Variants in TG observed in about 807,000 individuals in gnomAD.
TG encodes the protein thyroid hormones.
TG carries 270 observed loss-of-function variants against 324.7 expected under a neutral mutation model. The observed-to-expected ratio is 0.83, with a 90% CI of 0.75 to 0.92. The LOEUF (loss-of-function observed/expected upper bound fraction) is 0.92. Ranked by LOEUF, TG falls within the 40% of genes least tolerant of loss-of-function variation. TG has a pLI of 0.00. For synonymous variants in TG, 1,401 were observed against 1,327.0 expected (o/e 1.06, Z -1.21); for missense variants, 3,591 against 3,456.4 (o/e 1.04, Z -0.98).
chr8:133,102,485 C>T (rs1044674260), intron 43 of TG: 12 of 1,436,416 alleles, frequency 8.4e-6, no homozygotes, highest in Non-Finnish European at 1.1e-5. Context: ...GACCCTCCCC[C>T]ACATACCACC....
chr8:133,050,248 A>T (rs532504486), intron 41 of TG: 1 of 513,400 alleles, frequency 1.9e-6, no homozygotes, highest in South Asian at 2.5e-5. Context: ...AGGGATTAGC[A>T]GCTAATGTTC....
chr8:132,952,361 G>T (rs72727438), intron 27 of TG, among the ~76,000 whole-genome samples: 1 of 152,142 alleles, frequency 6.6e-6, no homozygotes, highest in Non-Finnish European at 1.5e-5. Flanking sequence ...CCTTATTCAA[G>T]ACATTTGACC....
chr8:133,106,522 C>T lies in TG; in HGVS notation c.7573-6900C>T, dbSNP rs192189635. The T allele has an allele frequency of 4.3e-5, 40 of 936,482 alleles. No individual in the cohort carries two copies. In the East Asian group the frequency reaches 4.3e-3, roughly 101 times the overall value. The allele number at this position is 936,482 out of a possible 1,614,324, so 58.0% of individuals were successfully genotyped here. A position where few individuals can be genotyped will look rare whatever the true frequency, so the allele number is the denominator to read the frequency against. On this transcript the variant is annotated intron_variant, in intron 43 of 47. Transcript: ENST00000220616. ...CCACCCAGCCCTCTGTTCTTTCTGG[C>T]TTCTCCCCTGCTCCTCTGCCCTCAT...
chr8:132,887,942 A>T, intron 9 of TG, 42 bp from the exon 10 acceptor site: 1 of 1,564,290 alleles, frequency 6.4e-7, no homozygotes, highest in Non-Finnish European at 8.7e-7. Flanking sequence ...CCAGTTTGTT[A>T]AATTTCTTAA....
chr8:133,089,102 G>A (rs1847083330), intron 41 of TG, among the ~76,000 whole-genome samples: 1 of 152,146 alleles, frequency 6.6e-6, no homozygotes, highest in Non-Finnish European at 1.5e-5. Flanking sequence ...GTGGAGACAT[G>A]GCACTCTGGG....
At chr8:132,987,740 G>A (rs1235095816) in intron 35 of TG, among the ~76,000 whole-genome samples, 1 of 151,620 alleles carries the variant, frequency 6.6e-6, no homozygotes, top group Admixed American at 6.6e-5. Flanking sequence ...GTGTGTGCGT[G>A]TGTGTGTGTA....
chr8:132,886,856 T>A lies in TG; in HGVS notation c.1484T>A (p.Phe495Tyr). The A allele has an allele frequency of 6.2e-7, 1 of 1,614,166 alleles. No individual in the cohort carries two copies. The highest frequency in any genetic ancestry group is 8.5e-7 in the Non-Finnish European group (1 of 1,180,022). Residue 495 changes from phenylalanine (F) to tyrosine (Y), a missense_variant, in exon 9 of 48, where the codon TTT becomes TAT. By Grantham distance (22) the Phe-to-Tyr change is conservative. Coordinates refer to ENST00000220616, the MANE Select transcript of TG (RefSeq NM_003235.5). ...LSGALGTRGT[F>Y]NFSQFFQQLG... ...GGAGCCCTTGGCACAAGAGGCACAT[T>A]TAACTTCAGTCAATTTTTCCAGCAA... is the stretch of plus-strand genomic sequence containing the variant.
chr8:133,044,791 A>C (rs1356854051), intron 41 of TG, among the ~76,000 whole-genome samples: 2 of 152,222 alleles, frequency 1.3e-5, no homozygotes, highest in Non-Finnish European at 2.9e-5. Flanking sequence ...GCTGCATTTG[A>C]CTTATTAAGG....
Position 132,867,064 on chromosome 8 carries a change from T to A in TG, c.64T>A (p.Phe22Ile). Residue 22 changes from phenylalanine (F) to isoleucine (I), a missense_variant, in exon 1 of 48, where the codon TTC (phenylalanine) becomes ATC (isoleucine). By Grantham distance (21) the Phe-to-Ile change is conservative. Coordinates refer to ENST00000220616, the MANE Select transcript of TG (RefSeq NM_003235.5). ...CATCTGCTGGGTGTCGGCCAATATC[T>A]TCGGTAAGTTCTGAGGCCATGGAGC... Reference protein sequence around the residue: ...ASICWVSANIFEYQVDAQPLR... With the variant: ...ASICWVSANIIEYQVDAQPLR... 1 of 1,597,218 alleles carries A rather than the reference T, an allele frequency of 6.3e-7. No individual in the cohort carries two copies. The highest frequency in any genetic ancestry group is 8.5e-7 in the Non-Finnish European group (1 of 1,170,494).
intron 31 of TG, among the ~76,000 whole-genome samples, chr8:132,968,332 C>T (rs192956917): frequency 5.3e-5 from 8 of 152,258 alleles, no homozygotes; most frequent in Non-Finnish European, 1.0e-4. Context: ...TTTAGAACTG[C>T]ATCAATTTGA....
At chr8:132,941,662 G>A (rs2687808) in intron 26 of TG, 120 bp downstream of exon 26, 1 of 1,112,544 alleles carries the variant, frequency 9.0e-7, no homozygotes, top group Non-Finnish European at 1.3e-6. Context: ...TACACCCAAA[G>A]AGAAGGTGAC....
chr8:132,895,921 C>T (rs1817028481), intron 11 of TG, among the ~76,000 whole-genome samples: 1 of 152,222 alleles, frequency 6.6e-6, no homozygotes, highest in South Asian at 2.1e-4. Flanking sequence ...ACATGCTCCG[C>T]TTTGCATGTC....
intron 35 of TG, among the ~76,000 whole-genome samples, chr8:132,990,158 T>TTA (rs10536232): frequency 0.25 from 34,665 of 141,352 alleles, 4,213 homozygotes; most frequent in Non-Finnish European, 0.28. Context: ...AGCTATACAA[T>TTA]TATATATATA....
At chr8:133,039,979 A>ACACG in intron 41 of TG, 1 of 833,428 alleles carries the variant, frequency 1.2e-6, no homozygotes, top group Non-Finnish European at 1.5e-6. Context: ...ACACACACAC[A>ACACG]TACACACACC....
intron 22 of TG, among the ~76,000 whole-genome samples, chr8:132,927,595 G>A (rs1822066372): frequency 6.6e-6 from 1 of 152,196 alleles, no homozygotes; most frequent in Admixed American, 6.5e-5. Context: ...TTCATGGATT[G>A]TTTCTGTTCT....
At chr8:133,023,669 A>G (rs1043363265) in intron 40 of TG, among the ~76,000 whole-genome samples, 2 of 152,208 alleles carry the variant, frequency 1.3e-5, no homozygotes, top group Admixed American at 1.3e-4. Flanking sequence ...AGGTGGTGAC[A>G]TCAGGACTCG....
intron 23 of TG, 127 bp from the exon 24 acceptor site, chr8:132,933,434 T>TG: frequency 1.5e-6 from 1 of 680,232 alleles, no homozygotes; most frequent in Non-Finnish European, 2.6e-6. Context: ...ATCTGCATAT[T>TG]TGTGTGTGTG....
chr8:133,075,600 G>A (rs546225990), intron 41 of TG, among the ~76,000 whole-genome samples: 21 of 152,286 alleles, frequency 1.4e-4, no homozygotes, highest in Admixed American at 2.6e-4. Flanking sequence ...GGGGACATGC[G>A]GTGACCAAGA....
chr8:133,026,035 T>C (rs1836039054), intron 40 of TG, among the ~76,000 whole-genome samples: 1 of 152,210 alleles, frequency 6.6e-6, no homozygotes, highest in African/African-American at 2.4e-5. Flanking sequence ...GTTTATTCCC[T>C]GCTTCTTCCC....
Sources: gnomAD v4.1 joint callset for allele counts (sites outside exome capture counted in the v4.1 genomes callset) on GRCh38, gnomAD v4.1.1 for gene constraint, MANE v1.5 for transcripts, NCBI Gene and HGNC (gene_info 2026-07-23, HGNC 2026-07-21) for gene names.